Variants in MACROD2 observed in about 807,000 individuals in gnomAD.
MACROD2 encodes mono-ADP ribosylhydrolase 2.
MACROD2 carries 36 observed loss-of-function variants against 70.4 expected under a neutral mutation model. The observed-to-expected ratio is 0.51, with a 90% CI of 0.39 to 0.68. The LOEUF is 0.68. Among genes scored for constraint, MACROD2 ranks in the 30% least tolerant of loss-of-function variants. The pLI is 0.00. For synonymous variants in MACROD2, 172 were observed against 178.8 expected (o/e 0.96, Z 0.30); for missense variants, 496 against 538.4 (o/e 0.92, Z 0.78).
At chr20:15,125,652 T>C (rs561363282) in intron 5 of MACROD2, among the ~76,000 whole-genome samples, 4 of 152,234 alleles carry the variant, frequency 2.6e-5, no homozygotes, top group African/African-American at 9.6e-5. Context: ...TAATTTACTG[T>C]AGTAATCAGT....
intron 3 of MACROD2, among the ~76,000 whole-genome samples, chr20:14,374,786 C>T (rs549145351): frequency 2.0e-5 from 3 of 152,186 alleles, no homozygotes; most frequent in African/African-American, 4.8e-5. Flanking sequence ...TATCCTCACT[C>T]CCCTATTAAT....
chr20:15,875,175 A>G (rs571520606), intron 9 of MACROD2, among the ~76,000 whole-genome samples: 3 of 152,292 alleles, frequency 2.0e-5, no homozygotes, highest in South Asian at 4.1e-4. Flanking sequence ...GGGACTTCCA[A>G]TGTACAGAAT....
intron 6 of MACROD2, among the ~76,000 whole-genome samples, chr20:15,237,770 G>A (rs2077026887): frequency 6.6e-6 from 1 of 152,132 alleles, no homozygotes; most frequent in African/African-American, 2.4e-5. Context: ...GGTCCCATCT[G>A]AGGGAGGAGA....
chr20:15,607,777 A>G (rs1053521109), intron 8 of MACROD2, among the ~76,000 whole-genome samples: 9 of 151,882 alleles, frequency 5.9e-5, no homozygotes, highest in African/African-American at 1.9e-4. Context: ...CAGGTGATCT[A>G]CCCGCCTCGG....
intron 15 of MACROD2, among the ~76,000 whole-genome samples, chr20:16,002,247 T>A (rs2066719531): frequency 6.6e-6 from 1 of 152,140 alleles, no homozygotes. Context: ...AATGTGGGGT[T>A]GAAGAGAACA....
Position 15,914,567 on chromosome 20 carries a change from C to T in MACROD2, c.776-18709C>T, listed in dbSNP as rs1299112050. Among the ~76,000 whole-genome samples, 6 of 152,268 alleles carry T rather than the reference C, an allele frequency of 3.9e-5. No homozygotes were observed. The East Asian group carries it at 1.2e-3, about 29-fold the overall frequency. Reference sequence around the variant, plus strand: ...GAGATAACACGTGGAAAGCATTTACCATAATGCGTAAGGACTACCACTACT... The same window carrying T: ...GAGATAACACGTGGAAAGCATTTACTATAATGCGTAAGGACTACCACTACT... On this transcript the variant is annotated intron_variant, in intron 10 of 17. Transcript: ENST00000684519.
intron 12 of MACROD2, among the ~76,000 whole-genome samples, chr20:15,950,042 A>T (rs1054119294): frequency 1.3e-5 from 2 of 152,166 alleles, no homozygotes; most frequent in Non-Finnish European, 2.9e-5. Flanking sequence ...GTTAATTAGT[A>T]TAAAAAATAA....
rs534271177 is a variant in MACROD2 at position 15,067,801 on chromosome 20, AAAT to A, written c.419-162135_419-162133del. Among the ~76,000 whole-genome samples the A allele has an allele frequency of 3.2e-3, 489 of 152,284 alleles. 6 individuals carry two copies. Among genetic ancestry groups the A allele is most frequent in the African/African-American group, 0.011 (470 of 41,564 alleles). On this transcript the variant is annotated intron_variant, in intron 5 of 17. Transcript: ENST00000684519. ...GGGTGGGGAATGGTTATGTGTGAGA[AAAT>A]AATGTTTGTTAACTACTCTCTACAA...
In MACROD2 at chr20:14,765,886, G is replaced by GA. The variant is rs2072081475; in HGVS notation, c.418+80931dup. On this transcript the variant is annotated intron_variant, in intron 5 of 17. Coordinates refer to ENST00000684519, the MANE Select transcript of MACROD2 (RefSeq NM_001351661.2). ...AAGCCTTCAGTTATGAAAACCTTAT[G>GA]AAAACCTGCTGTACCACAGACTTAA... Among the ~76,000 whole-genome samples the GA allele has an allele frequency of 2.6e-5, 4 of 152,070 alleles. No individual in the cohort carries two copies. In the South Asian group the frequency reaches 8.3e-4, roughly 32 times the overall value.
chr20:14,377,440 T>C (rs1437333185), intron 3 of MACROD2, among the ~76,000 whole-genome samples: 1 of 152,226 alleles, frequency 6.6e-6, no homozygotes, highest in East Asian at 1.9e-4. Context: ...GTCCTGTCAC[T>C]GTTTGGAATT....
At chr20:15,066,753 G>A (rs2123096288) in intron 5 of MACROD2, among the ~76,000 whole-genome samples, 2 of 151,994 alleles carry the variant, frequency 1.3e-5, no homozygotes, top group South Asian at 4.2e-4. Flanking sequence ...GTGGTGGTGG[G>A]CACCTGTAAT....
chr20:14,832,491 C>G (rs111810655), intron 5 of MACROD2, among the ~76,000 whole-genome samples: 6 of 151,916 alleles, frequency 3.9e-5, no homozygotes, highest in African/African-American at 1.4e-4. Flanking sequence ...GATGCAACCC[C>G]CTCACTGCTG....
intron 6 of MACROD2, among the ~76,000 whole-genome samples, chr20:15,370,842 A>T (rs559298388): frequency 1.2e-4 from 18 of 152,182 alleles, no homozygotes; most frequent in East Asian, 7.7e-4. Flanking sequence ...AAAAAGCATA[A>T]GGTAGGGTGG....
intron 3 of MACROD2, among the ~76,000 whole-genome samples, chr20:14,300,666 A>C (rs774741514): frequency 1.3e-5 from 2 of 152,202 alleles, no homozygotes; most frequent in African/African-American, 4.8e-5. Context: ...TTCGGACTAC[A>C]TTTTTGGACT....
At chr20:14,697,078 G>A (rs970282002) in intron 5 of MACROD2, among the ~76,000 whole-genome samples, 2 of 152,198 alleles carry the variant, frequency 1.3e-5, no homozygotes, top group Non-Finnish European at 2.9e-5. Context: ...CAGTCTGAGA[G>A]AGTGGGTTTG....
At chr20:14,967,007 A>C (rs574714617) in intron 5 of MACROD2, among the ~76,000 whole-genome samples, 1 of 151,810 alleles carries the variant, frequency 6.6e-6, no homozygotes, top group East Asian at 1.9e-4. Flanking sequence ...TATGTGTGTA[A>C]TAGTGGATAT....
At chr20:14,763,576 T>A (rs1414295113) in intron 5 of MACROD2, among the ~76,000 whole-genome samples, 1 of 152,084 alleles carries the variant, frequency 6.6e-6, no homozygotes, top group Non-Finnish European at 1.5e-5. Flanking sequence ...AAGAAGAAGT[T>A]CTTGAGATAC....
At chr20:15,179,012 T>C (rs1023817861) in intron 5 of MACROD2, among the ~76,000 whole-genome samples, 9 of 152,170 alleles carry the variant, frequency 5.9e-5, no homozygotes, top group Admixed American at 5.2e-4. Flanking sequence ...CCTGAGCAAA[T>C]ACTGTAGCTG....
intron 15 of MACROD2, among the ~76,000 whole-genome samples, chr20:16,021,479 T>A (rs1272753178): frequency 6.6e-6 from 1 of 152,196 alleles, no homozygotes; most frequent in Non-Finnish European, 1.5e-5. Context: ...GCGCAGCTAG[T>A]AACTGGAAAA....
Sources: allele counts gnomAD v4.1 joint callset (sites outside exome capture counted in the v4.1 genomes callset), GRCh38; gene constraint gnomAD v4.1.1; transcripts MANE v1.5; gene names NCBI Gene and HGNC (gene_info 2026-07-23, HGNC 2026-07-21).